Variants in NPAS2 observed in about 807,000 individuals in gnomAD.
NPAS2 encodes neuronal PAS domain protein 2, also known as neuronal PAS domain-containing protein 2.
NPAS2 carries 23 observed loss-of-function variants against 107.5 expected under a neutral mutation model. That is an observed-to-expected ratio of 0.21 (90% confidence interval 0.15 to 0.30). NPAS2 has a LOEUF of 0.30. NPAS2 is among the 10% of genes least tolerant of loss of function. NPAS2 has a pLI of 1.00. For synonymous variants in NPAS2, 403 were observed against 417.5 expected (o/e 0.97, Z 0.42); for missense variants, 756 against 1,043.3 (o/e 0.72, Z 3.79).
intron 5 of NPAS2, among the ~76,000 whole-genome samples, chr2:100,938,569 C>CCCTCCCTCCCTCCTTCCCTCCCTT (rs1684490132): frequency 3.4e-5 from 2 of 58,310 alleles, no homozygotes; most frequent in South Asian, 7.8e-4. Context: ...TTCCCTCCCT[C>CCCTCCCTCCCTCCTTCCCTCCCTT]CCCCCTTTCC....
upstream of NPAS2, among the ~76,000 whole-genome samples, chr2:100,818,985 G>A (rs867941089): frequency 6.6e-6 from 1 of 152,152 alleles, no homozygotes; most frequent in Non-Finnish European, 1.5e-5. Context: ...TTGGAGCCCC[G>A]AAGGGCATCA....
chr2:100,891,531 G>A (rs1461148550), intron 1 of NPAS2, among the ~76,000 whole-genome samples: 3 of 152,264 alleles, frequency 2.0e-5, no homozygotes, highest in East Asian at 1.9e-4. Context: ...TTCTCCTATC[G>A]ATTGTGAAAA....
chr2:100,958,766 CAG>C (rs1416910361), intron 7 of NPAS2, among the ~76,000 whole-genome samples: 9 of 152,220 alleles, frequency 5.9e-5, no homozygotes, highest in Admixed American at 2.6e-4. Context: ...ACTTTGAAGA[CAG>C]GGGCGAGGGA....
At chr2:100,911,927 C>G (rs1030448557) in intron 2 of NPAS2, among the ~76,000 whole-genome samples, 1 of 152,156 alleles carries the variant, frequency 6.6e-6, no homozygotes, top group African/African-American at 2.4e-5. Context: ...CAATGGCGCC[C>G]GGCTTCCAGT....
At chr2:100,910,244 A>G (rs1297850132) in intron 2 of NPAS2, among the ~76,000 whole-genome samples, 1 of 152,226 alleles carries the variant, frequency 6.6e-6, no homozygotes, top group Non-Finnish European at 1.5e-5. Flanking sequence ...CCTAACTATC[A>G]TGTTCCAATT....
Position 100,860,087 on chromosome 2 carries a change from C to G in NPAS2, c.-23+39673C>G, listed in dbSNP as rs955215095. On this transcript the variant is annotated intron_variant, in intron 1 of 20. Transcript: ENST00000335681. ...CCACAGATTGTCCCAATAATGTCCT[C>G]TACAGATTCAGGATCCAATACAGGA... is the stretch of plus-strand genomic sequence containing the variant. Among the ~76,000 whole-genome samples, 5 of 152,306 alleles carry G rather than the reference C, an allele frequency of 3.3e-5. No individual in the cohort carries two copies. The South Asian group carries it at 1.0e-3, about 32-fold the overall frequency.
intron 7 of NPAS2, among the ~76,000 whole-genome samples, chr2:100,959,101 A>AAC (rs1553461887): frequency 1.0e-5 from 1 of 99,368 alleles, no homozygotes; most frequent in African/African-American, 4.7e-5. Context: ...AAAAAAAAAA[A>AAC]AAAAAAAACA....
At chr2:100,894,101 C>T (rs1217132145) in intron 1 of NPAS2, among the ~76,000 whole-genome samples, 1 of 152,208 alleles carries the variant, frequency 6.6e-6, no homozygotes, top group East Asian at 1.9e-4. Flanking sequence ...TTCCAGGTCC[C>T]CATTTGCCAG....
At chr2:100,954,664 C>CAAAA (rs1194534141) in intron 7 of NPAS2, among the ~76,000 whole-genome samples, 121 of 80,402 alleles carry the variant, frequency 1.5e-3, no homozygotes, top group African/African-American at 1.9e-3. Flanking sequence ...AACTGTGTCT[C>CAAAA]AAAAAAAAAA....
At chr2:100,921,864 C>T (rs1055903331) in intron 2 of NPAS2, among the ~76,000 whole-genome samples, 2 of 152,180 alleles carry the variant, frequency 1.3e-5, no homozygotes, top group East Asian at 1.9e-4. Context: ...TATCTACACA[C>T]AGATCTGTAC....
At chr2:100,861,025 C>T (rs1678909120) in intron 1 of NPAS2, among the ~76,000 whole-genome samples, 1 of 150,444 alleles carries the variant, frequency 6.6e-6, no homozygotes, top group African/African-American at 2.5e-5. Context: ...CACACCACCA[C>T]CCCCAGCTAA....
Position 100,820,775 on chromosome 2 carries a change from G to A in NPAS2, c.-23+361G>A, listed in dbSNP as rs901101396. Among the ~76,000 whole-genome samples the A allele has an allele frequency of 6.6e-6, 1 of 152,178 alleles. No homozygotes were observed. The highest frequency in any genetic ancestry group is 1.5e-5 in the Non-Finnish European group (1 of 68,018). ...GATCGTGCCCCAGGGCAACAGCTTT[G>A]GGGATTGCCCGTGGTTGTCTTCGAG... is the stretch of plus-strand genomic sequence containing the variant. On this transcript the variant is annotated intron_variant, in intron 1 of 20. Transcript: ENST00000335681. The surrounding 1 kb of genome is among the most constrained non-coding windows in gnomAD (Gnocchi z 5.6).
At chr2:100,926,941 CTTTTTTTTT>C (rs71378131) in intron 3 of NPAS2, among the ~76,000 whole-genome samples, 1 of 126,868 alleles carries the variant, frequency 7.9e-6, no homozygotes, top group African/African-American at 3.1e-5. Context: ...TTTTTTCTTT[CTTTTTTTTT>C]TTTTTTTTGA....
intron 1 of NPAS2, among the ~76,000 whole-genome samples, chr2:100,827,240 T>C (rs1453097008): frequency 6.6e-6 from 1 of 152,208 alleles, no homozygotes; most frequent in East Asian, 1.9e-4. Context: ...CCCAAGCATT[T>C]CTAAGAAGCT....
At chr2:100,838,951 T>C (rs569361418) in intron 1 of NPAS2, among the ~76,000 whole-genome samples, 4 of 152,296 alleles carry the variant, frequency 2.6e-5, no homozygotes, top group South Asian at 4.2e-4. Context: ...GAATCACTTA[T>C]ATGCAGCTTT....
Position 100,850,011 on chromosome 2 carries a change from T to TAAAAAAAAAA in NPAS2, c.-23+29614_-23+29623dup, listed in dbSNP as rs58359292. ...ATAGATCTAACAGTAACTCTTTTTG[T>TAAAAAAAAAA]AAAAAAAAAAAAAAAAAAAAAAAAA... On this transcript the variant is annotated intron_variant, in intron 1 of 20. Coordinates refer to ENST00000335681, the MANE Select transcript of NPAS2 (RefSeq NM_002518.4). Among the ~76,000 whole-genome samples the TAAAAAAAAAA allele has an allele frequency of 2.1e-4, 12 of 56,204 alleles. 1 individual carries two copies. The highest frequency in any genetic ancestry group is 5.5e-4 in the African/African-American group (7 of 12,784). 36.9% of individuals were successfully genotyped at this position (56,204 alleles called of 152,430 possible).
chr2:100,824,059 C>G (rs1676229299), intron 1 of NPAS2, among the ~76,000 whole-genome samples: 1 of 152,140 alleles, frequency 6.6e-6, no homozygotes, highest in Non-Finnish European at 1.5e-5. Flanking sequence ...GTAGAATTAC[C>G]AGTAAAGGAC....
At chr2:100,975,920 T>C (rs74797177) in intron 14 of NPAS2, among the ~76,000 whole-genome samples, 4,423 of 152,250 alleles carry the variant, frequency 0.029, 236 homozygotes, top group African/African-American at 0.1. Flanking sequence ...GGTGAAAATA[T>C]TTGAGCAGCT....
At chr2:100,953,384 A>AAAC (rs1303909106) in intron 7 of NPAS2, among the ~76,000 whole-genome samples, 2 of 151,758 alleles carry the variant, frequency 1.3e-5, no homozygotes, top group African/African-American at 4.8e-5. Context: ...ATAAAAAAAA[A>AAAC]AAAAAACAAA....
Sources: gnomAD v4.1 joint callset for allele counts (sites outside exome capture counted in the v4.1 genomes callset) on GRCh38, gnomAD v4.1.1 for gene constraint, Gnocchi (gnomAD v3.1) non-coding constraint, MANE v1.5 for transcripts, NCBI Gene and HGNC (gene_info 2026-07-23, HGNC 2026-07-21) for gene names.